The following SCGB1C1 variants were observed in gnomAD, a reference collection of about 807,000 sequenced individuals.
SCGB1C1 encodes the protein secretoglobin family 1C member 1.
A neutral mutation model predicts 8.9 loss-of-function variants in SCGB1C1; 2 were observed. The ratio of observed to expected loss-of-function variants is 0.23; its 90% CI spans 0.09 to 0.71. The LOEUF (loss-of-function observed/expected upper bound fraction) is 0.71. Among genes scored for constraint, SCGB1C1 ranks in the 30% least tolerant of loss-of-function variants. The probability of loss-of-function intolerance (pLI) is 0.78; values close to 1 mark genes in which losing one functional copy is unlikely to be tolerated. For missense variants in SCGB1C1, 25 were observed against 112.7 expected (o/e 0.22, Z 3.52); for synonymous variants, 6 against 45.8 (o/e 0.13, Z 3.51).
upstream of SCGB1C1, among the ~76,000 whole-genome samples, chr11:189,054 CAA>C (rs1310245972): frequency 3.7e-5 from 4 of 108,628 alleles, no homozygotes; most frequent in Non-Finnish European, 7.7e-5. Flanking sequence ...AGACAGCACT[CAA>C]AGTCATCCCT....
At chr11:192,259 T>C (rs1335769898), upstream of SCGB1C1, among the ~76,000 whole-genome samples, 18 of 151,276 alleles carry the variant, frequency 1.2e-4, no homozygotes, top group Admixed American at 1.1e-3. Flanking sequence ...TCATGGTCTC[T>C]CTTGGCATGG....
At chr11:189,540 G>A (rs1371201082), upstream of SCGB1C1, among the ~76,000 whole-genome samples, 11 of 69,810 alleles carry the variant, frequency 1.6e-4, no homozygotes, top group African/African-American at 2.7e-4. Flanking sequence ...CACGTCGTTA[G>A]GCTGTGGGTT....
chr11:194,574 C>A lies in SCGB1C1; in HGVS notation c.*124C>A. On this transcript the variant is annotated 3_prime_UTR_variant, in exon 3 of 3. Coordinates refer to ENST00000342878, the MANE Select transcript of SCGB1C1 (RefSeq NM_145651.3). ...CGTTTAATCAATAAAGCCTCTTCCG[C>A]AGCTCAGGCTCCTGTCTCTGCCCCC... is the stretch of plus-strand genomic sequence containing the variant. 1.7e-6 allele frequency: 1 copy of A among 583,222 alleles called. No homozygotes were observed. Among genetic ancestry groups the A allele is most frequent in the Admixed American group, 3.0e-5 (1 of 33,352 alleles). The allele number at this position is 583,222 out of a possible 1,614,324, so 36.1% of individuals were successfully genotyped here.
upstream of SCGB1C1, among the ~76,000 whole-genome samples, chr11:191,830 A>AC (rs1442950054): frequency 8.2e-6 from 1 of 121,732 alleles, no homozygotes; most frequent in Non-Finnish European, 1.7e-5. Flanking sequence ...CTAACCCCTA[A>AC]CCCTAACCCT....
upstream of SCGB1C1, among the ~76,000 whole-genome samples, chr11:189,595 G>A (rs2948210): frequency 0.015 from 1,743 of 114,280 alleles, no homozygotes; most frequent in South Asian, 0.02. Context: ...GCGCCACCGG[G>A]ACGAGAGCGC....
chr11:189,953 G>GCTGGGGGC (rs1394418843), upstream of SCGB1C1, among the ~76,000 whole-genome samples: 1 of 151,534 alleles, frequency 6.6e-6, no homozygotes, highest in African/African-American at 2.4e-5. Context: ...CCTGCTGGCA[G>GCTGGGGGC]ATGGGGACAC....
chr11:191,410 A>T (rs1168129651), upstream of SCGB1C1, among the ~76,000 whole-genome samples: 20 of 107,438 alleles, frequency 1.9e-4, no homozygotes, highest in Admixed American at 7.4e-4. Context: ...TAATATTTAA[A>T]GTTTATACTC....
upstream of SCGB1C1, among the ~76,000 whole-genome samples, chr11:188,175 C>T (rs1310119933): frequency 6.6e-6 from 1 of 152,240 alleles, no homozygotes; most frequent in Non-Finnish European, 1.5e-5. Context: ...CTTTTTTCCT[C>T]TGGCTATAAA....
upstream of SCGB1C1, among the ~76,000 whole-genome samples, chr11:188,198 A>G (rs1472655416): frequency 1.3e-5 from 2 of 152,214 alleles, no homozygotes; most frequent in African/African-American, 4.8e-5. Flanking sequence ...TAACCCGCAC[A>G]TGTTGTGTGG....
upstream of SCGB1C1, among the ~76,000 whole-genome samples, chr11:188,492 CAAAACTA>C (rs1476644295): frequency 6.6e-6 from 1 of 152,176 alleles, no homozygotes; most frequent in Non-Finnish European, 1.5e-5. Flanking sequence ...AAATTATGTA[CAAAACTA>C]AAAACAGAGG....
At chr11:189,562 G>T, upstream of SCGB1C1, among the ~76,000 whole-genome samples, 1 of 127,930 alleles carries the variant, frequency 7.8e-6, no homozygotes, top group East Asian at 2.4e-4. Context: ...GGGGGGAGGT[G>T]GGTGGTGCAG....
At chr11:189,545 T>G (rs1298876790), upstream of SCGB1C1, among the ~76,000 whole-genome samples, 2 of 15,600 alleles carry the variant, frequency 1.3e-4, no homozygotes, top group African/African-American at 4.2e-4. Flanking sequence ...CGTTAGGCTG[T>G]GGGTTTGGGG....
At chr11:191,830 A>ACCCTAACCCTAACCCTAACCCCTAAC (rs1854813584), upstream of SCGB1C1, among the ~76,000 whole-genome samples, 6 of 121,808 alleles carry the variant, frequency 4.9e-5, no homozygotes, top group African/African-American at 2.1e-4. Flanking sequence ...CTAACCCCTA[A>ACCCTAACCCTAACCCTAACCCCTAAC]CCCTAACCCT....
chr11:194,056 C>T, intron 2 of SCGB1C1, 145 bp downstream of exon 2: 1 of 617,472 alleles, frequency 1.6e-6, no homozygotes, highest in South Asian at 2.0e-5. Flanking sequence ...AGGTGGACAC[C>T]CCAGACCTCC....
At chr11:191,839 C>G (rs1854814102), upstream of SCGB1C1, among the ~76,000 whole-genome samples, 1 of 45,382 alleles carries the variant, frequency 2.2e-5, no homozygotes, top group Non-Finnish European at 6.3e-5. Context: ...AACCCTAACC[C>G]TAACCCTAAC....
At chr11:191,900 C>T, upstream of SCGB1C1, among the ~76,000 whole-genome samples, 1 of 129,922 alleles carries the variant, frequency 7.7e-6, no homozygotes, top group Non-Finnish European at 1.7e-5. Context: ...CTACCCCTAA[C>T]CCCTAACCCT....
chr11:191,749 T>G (rs1197788476), upstream of SCGB1C1, among the ~76,000 whole-genome samples: 1 of 152,306 alleles, frequency 6.6e-6, no homozygotes, highest in Non-Finnish European at 1.5e-5. Flanking sequence ...AAGAACTCTT[T>G]TCATTGCCAG....
chr11:191,924 A>G (rs1854820315), upstream of SCGB1C1, among the ~76,000 whole-genome samples: 1 of 151,746 alleles, frequency 6.6e-6, no homozygotes, highest in African/African-American at 2.4e-5. Context: ...CGGTGACCCT[A>G]CTGTATCCCT....
chr11:192,097 G>A (rs745804903), upstream of SCGB1C1, among the ~76,000 whole-genome samples: 6 of 151,518 alleles, frequency 4.0e-5, no homozygotes, highest in East Asian at 9.7e-4. Flanking sequence ...TTTAGGAGTC[G>A]TTCAATGTAA....
Sources: gnomAD v4.1 joint callset for allele counts (sites outside exome capture counted in the v4.1 genomes callset) on GRCh38, gnomAD v4.1.1 for gene constraint, MANE v1.5 for transcripts, NCBI Gene and HGNC (gene_info 2026-07-23, HGNC 2026-07-21) for gene names.